WNT7B: variants seen among roughly 807,000 people sequenced by gnomAD.
WNT7B encodes the protein protein Wnt-7b.
In WNT7B, 19 loss-of-function variants were observed where a neutral mutation model predicts 38.2. The observed-to-expected ratio is 0.50, with a 90% CI of 0.35 to 0.73. The LOEUF (loss-of-function observed/expected upper bound fraction) is 0.73. Among genes scored for constraint, WNT7B ranks in the 30% least tolerant of loss-of-function variants. The pLI, the probability that WNT7B is intolerant of heterozygous loss-of-function variation, is 0.01. For missense variants in WNT7B, 423 were observed against 507.9 expected (o/e 0.83, Z 1.61); for synonymous variants, 243 against 209.3 (o/e 1.16, Z -1.39).
At chr22:45,970,356 T>TGGCGGGGGTAGTCACTGCAGGCCC (rs1932406443) in intron 1 of WNT7B, among the ~76,000 whole-genome samples, 1 of 152,210 alleles carries the variant, frequency 6.6e-6, no homozygotes. Flanking sequence ...GGAGCAAGCC[T>TGGCGGGGGTAGTCACTGCAGGCCC]GGCGGGGGTA....
Position 45,931,298 on chromosome 22 carries a change from T to A in WNT7B, c.370A>T (p.Ser124Cys), listed in dbSNP as rs774103563. Residue 124 changes from serine (S) to cysteine (C), a missense_variant, in exon 3 of 4, where the codon AGC (serine) becomes TGC (cysteine). Coordinates refer to ENST00000339464, the MANE Select transcript of WNT7B (RefSeq NM_058238.3). ...GVAHAVTAACSQGNLSNCGCD... is the reference protein window; with the variant it reads ...GVAHAVTAACCQGNLSNCGCD... Reference sequence around the variant, plus strand: ...CCGCAGTTGCTCAGGTTCCCTTGGCTGCAGGCAGCGGTGACGGCGTGCGCC... The same window carrying A: ...CCGCAGTTGCTCAGGTTCCCTTGGCAGCAGGCAGCGGTGACGGCGTGCGCC... 6.3e-7 allele frequency: 1 copy of A among 1,598,010 alleles called. No homozygotes were observed.
In WNT7B at chr22:45,931,264, C is replaced by A. The variant is rs749726952; in HGVS notation, c.404G>T (p.Arg135Leu). 4 of 1,598,656 alleles carry A rather than the reference C, an allele frequency of 2.5e-6. No individual in the cohort carries two copies. The Admixed American group carries it at 5.0e-5, about 20-fold the overall frequency. Residue 135 changes from arginine (R) to leucine (L), a missense_variant, in exon 3 of 4, where the codon CGC becomes CTC. Transcript: ENST00000339464. ...QGNLSNCGCD[R>L]EKQGYYNQAE... ...TTGGTTGTAGTAGCCCTGCTTCTCG[C>A]GGTCGCAGCCGCAGTTGCTCAGGTT...
At chr22:45,924,912 G>A (rs1437499139) in intron 3 of WNT7B, among the ~76,000 whole-genome samples, 2 of 145,828 alleles carry the variant, frequency 1.4e-5, no homozygotes, top group Non-Finnish European at 3.0e-5. Flanking sequence ...GTGGGCCCTA[G>A]AGTGGCAGGT....
chr22:45,964,970 C>G (rs1250534121), intron 1 of WNT7B, among the ~76,000 whole-genome samples: 2 of 152,160 alleles, frequency 1.3e-5, no homozygotes, highest in African/African-American at 4.8e-5. Context: ...CCATGCCTCC[C>G]CATCCTCCAC....
rs757703763 is a variant in WNT7B, at chr22:45,950,177, ACGG to A, written c.72-34_72-32del. 8.7e-4 allele frequency: 1,379 copies of A among 1,590,560 alleles called. 23 individuals carry two copies. The highest frequency in any genetic ancestry group is 1.8e-4 in the Non-Finnish European group (209 of 1,163,376). On this transcript the variant is annotated intron_variant, in intron 1 of 3. Transcript: ENST00000339464. ...GAGGGGAGGAGACAGAGGCCGTGAG[ACGG>A]CGGCGGCCAGCGCCCCTCCTCACCC...
intron 2 of WNT7B, among the ~76,000 whole-genome samples, chr22:45,933,398 A>G (rs1014834151): frequency 1.3e-5 from 2 of 152,170 alleles, no homozygotes; most frequent in Admixed American, 1.3e-4. Flanking sequence ...GGCCAGGGCC[A>G]GGAGGATATA....
In WNT7B at chr22:45,977,000, C is replaced by G. The variant is rs1299472359; in HGVS notation, c.-246G>C. 5 of 986,112 alleles carry G rather than the reference C, an allele frequency of 5.1e-6. No individual in the cohort carries two copies. In the African/African-American group the frequency reaches 8.8e-5, roughly 17 times the overall value. The allele number at this position is 986,112 out of a possible 1,614,324, so 61.1% of individuals were successfully genotyped here. ...GGCTGGGGGCCGCGACCTCGAAGCC[C>G]GGTTGAGCGACCGTGGACCCCTGCA... On this transcript the variant is annotated 5_prime_UTR_variant, in exon 1 of 4. Transcript: ENST00000339464. This position sits in a 1 kb window ranked among gnomAD's most constrained non-coding sequence, Gnocchi z 8.5.
intron 3 of WNT7B, chr22:45,926,000 C>G (rs917464319): frequency 1.1e-5 from 11 of 985,424 alleles, no homozygotes; most frequent in Non-Finnish European, 1.1e-5. Context: ...GTCTCCCGGT[C>G]TTCATCAAGG....
chr22:45,966,408 T>A lies in WNT7B; in HGVS notation c.71+10276A>T, dbSNP rs1434366364. Among the ~76,000 whole-genome samples the A allele has an allele frequency of 6.6e-6, 1 of 152,134 alleles. No individual in the cohort carries two copies. The highest frequency in any genetic ancestry group is 1.5e-5 in the Non-Finnish European group (1 of 68,014). On this transcript the variant is annotated intron_variant, in intron 1 of 3. Coordinates refer to ENST00000339464, the MANE Select transcript of WNT7B (RefSeq NM_058238.3). This position sits in a 1 kb window ranked among gnomAD's most constrained non-coding sequence, Gnocchi z 4.2. ...CACCAGTCCTTGTGCCCGGGCTCCC[T>A]CCGGCCTGGCCCATTCAGAGCTCCA... is the stretch of plus-strand genomic sequence containing the variant.
intron 3 of WNT7B, among the ~76,000 whole-genome samples, chr22:45,928,582 T>G (rs1931171827): frequency 6.6e-6 from 1 of 151,926 alleles, no homozygotes; most frequent in African/African-American, 2.4e-5. Context: ...CCTCTTTGTC[T>G]CCTGCCCACC....
At chr22:45,927,571 G>A (rs1931128119) in intron 3 of WNT7B, 2 of 1,211,138 alleles carry the variant, frequency 1.7e-6, no homozygotes, top group East Asian at 2.5e-5. Flanking sequence ...TGTCCAAGTA[G>A]GCCCTAAATC....
At chr22:45,967,637 G>A (rs550135774) in intron 1 of WNT7B, among the ~76,000 whole-genome samples, 1 of 150,026 alleles carries the variant, frequency 6.7e-6, no homozygotes, top group East Asian at 2.0e-4. Flanking sequence ...CCACACCCAA[G>A]CAGGGGCCCT....
Position 45,926,553 on chromosome 22 carries a change from G to A in WNT7B, c.571-3218C>T, listed in dbSNP as rs1230408726. 6.1e-6 allele frequency: 6 copies of A among 985,318 alleles called. No homozygotes were observed. The Admixed American group carries it at 3.7e-4, about 61-fold the overall frequency. 61.0% of individuals were successfully genotyped at this position (985,318 alleles called of 1,614,324 possible). ...AGTCCTTCCAGGGCGAGACTGACCA[G>A]CCCAGGAGCCTGGCGTCCGATATTC... On this transcript the variant is annotated intron_variant, in intron 3 of 3. Coordinates refer to ENST00000339464, the MANE Select transcript of WNT7B (RefSeq NM_058238.3).
intron 2 of WNT7B, among the ~76,000 whole-genome samples, chr22:45,935,207 C>T (rs554023896): frequency 7.9e-5 from 12 of 152,318 alleles, no homozygotes; most frequent in South Asian, 2.1e-4. Flanking sequence ...ACTTAGAAGC[C>T]GGTCCTCTGC....
chr22:45,946,907 G>A (rs1931810499), intron 2 of WNT7B, among the ~76,000 whole-genome samples: 2 of 152,226 alleles, frequency 1.3e-5, no homozygotes, highest in Non-Finnish European at 2.9e-5. Context: ...GTCAACGCCT[G>A]AAAGGGGCTG....
chr22:45,962,121 C>T (rs1285713357), intron 1 of WNT7B, among the ~76,000 whole-genome samples: 3 of 151,852 alleles, frequency 2.0e-5, no homozygotes, highest in African/African-American at 7.3e-5. Context: ...TGGGACCCCA[C>T]CCTGGAGAAG....
rs776739804 is a variant in WNT7B at position 45,950,160 on chromosome 22, G to T, written c.72-14C>A. 2.5e-6 allele frequency: 4 copies of T among 1,608,058 alleles called. No individual in the cohort carries two copies. The South Asian group carries it at 4.4e-5, about 18-fold the overall frequency. On this transcript the variant is annotated splice_polypyrimidine_tract_variant and intron_variant, in intron 1 of 3. Coordinates refer to ENST00000339464, the MANE Select transcript of WNT7B (RefSeq NM_058238.3). ...GATGACAGTGCTCTGTGGAGGGGAG[G>T]AGACAGAGGCCGTGAGACGGCGGCG...
chr22:45,943,994 G>T (rs1212179486), intron 2 of WNT7B, among the ~76,000 whole-genome samples: 2 of 152,170 alleles, frequency 1.3e-5, no homozygotes, highest in South Asian at 4.1e-4. Flanking sequence ...GGACCTCCAT[G>T]TCCCCATTCT....
At chr22:45,940,769 A>G (rs994903580) in intron 2 of WNT7B, among the ~76,000 whole-genome samples, 14 of 152,184 alleles carry the variant, frequency 9.2e-5, no homozygotes, top group African/African-American at 3.4e-4. Context: ...AGGGTGGCCA[A>G]TGAGTGCTCC....
Sources: allele counts gnomAD v4.1 joint callset (sites outside exome capture counted in the v4.1 genomes callset), GRCh38; gene constraint gnomAD v4.1.1; non-coding constraint Gnocchi (gnomAD v3.1); transcripts MANE v1.5; gene names NCBI Gene and HGNC (gene_info 2026-07-23, HGNC 2026-07-21).